The following ARCN1 variants were observed in gnomAD, a reference collection of about 807,000 sequenced individuals.
ARCN1 encodes archain 1 coat protein complex I subunit delta.
In ARCN1, 5 loss-of-function variants were observed where a neutral mutation model predicts 60.4. That is an observed-to-expected ratio of 0.08 (90% CI 0.04 to 0.17). The LOEUF (loss-of-function observed/expected upper bound fraction) is 0.17, where lower values mean the gene tolerates loss of function less well. ARCN1 is among the 10% of genes least tolerant of loss of function. The pLI is 1.00. For synonymous variants in ARCN1, 224 were observed against 220.0 expected (o/e 1.02, Z -0.16); for missense variants, 464 against 626.5 (o/e 0.74, Z 2.77).
rs782680656 is a variant in ARCN1 at position 118,597,919 on chromosome 11, A to G, written c.1446+8A>G. ...AATTACTGTAACATACAGGTACTCC[A>G]TTTTAGTTGAGAACATATATAGGGA... On this transcript the variant is annotated splice_region_variant and intron_variant, in intron 9 of 9. Transcript: ENST00000264028. The G allele has an allele frequency of 1.2e-6, 2 of 1,613,920 alleles. No individual in the cohort carries two copies. Among genetic ancestry groups the G allele is most frequent in the African/African-American group, 1.3e-5 (1 of 74,982 alleles).
At chr11:118,575,241 G>T (rs1680877202) in intron 1 of ARCN1, among the ~76,000 whole-genome samples, 1 of 152,168 alleles carries the variant, frequency 6.6e-6, no homozygotes, top group Non-Finnish European at 1.5e-5. Flanking sequence ...GCCTCCCAAA[G>T]TGCTGGGATT....
Position 118,574,489 on chromosome 11 carries a change from A to G in ARCN1, c.3+1939A>G, listed in dbSNP as rs374422952. On this transcript the variant is annotated intron_variant, in intron 1 of 9. Transcript: ENST00000264028. ...CATATAACCACCAACTAGATTCTAT[A>G]ACTAACATTTCACTATATTTTATCA... Among the ~76,000 whole-genome samples, 22 of 152,330 alleles carry G rather than the reference A, an allele frequency of 1.4e-4. 1 individual carries two copies. The East Asian group carries it at 3.1e-3, about 21-fold the overall frequency.
chr11:118,584,029 A>G lies in ARCN1; in HGVS notation c.653+15A>G. 2 of 1,610,940 alleles carry G rather than the reference A, an allele frequency of 1.2e-6. No individual in the cohort carries two copies. Among genetic ancestry groups the G allele is most frequent in the Non-Finnish European group, 1.7e-6 (2 of 1,177,518 alleles). On this transcript the variant is annotated intron_variant, in intron 4 of 9. Transcript: ENST00000264028. ...GCACCAGCCAGGTATAATCCAGTGT[A>G]CTTTAGAATACCAGGTGAAGGGTGT...
At chr11:118,582,673 C>T (rs1210044003) in intron 2 of ARCN1, among the ~76,000 whole-genome samples, 2 of 150,096 alleles carry the variant, frequency 1.3e-5, no homozygotes, top group Admixed American at 6.7e-5. Context: ...TTGCAGTGAG[C>T]CGAGATCGTG....
At chr11:118,599,094 G>A (rs1939094451) in intron 9 of ARCN1, among the ~76,000 whole-genome samples, 2 of 144,594 alleles carry the variant, frequency 1.4e-5, no homozygotes, top group Non-Finnish European at 3.0e-5. Flanking sequence ...ACGCCTGGCG[G>A]ATTTTTTTTT....
At chr11:118,576,245 A>C (rs1417471885) in intron 1 of ARCN1, among the ~76,000 whole-genome samples, 1 of 151,918 alleles carries the variant, frequency 6.6e-6, no homozygotes, top group Non-Finnish European at 1.5e-5. Context: ...TAGTGTACTC[A>C]AACCATGTAA....
intron 8 of ARCN1, among the ~76,000 whole-genome samples, chr11:118,596,180 T>C (rs1461006569): frequency 6.6e-6 from 1 of 152,226 alleles, no homozygotes; most frequent in Non-Finnish European, 1.5e-5. Flanking sequence ...TTTAAAAATA[T>C]ACTTTATTAC....
chr11:118,584,741 C>G, intron 5 of ARCN1, 97 bp downstream of exon 5: 1 of 1,095,828 alleles, frequency 9.1e-7, no homozygotes, highest in Non-Finnish European at 1.3e-6. Context: ...CTTTCTCTGT[C>G]TTTTAATCGT....
intron 2 of ARCN1, 145 bp from the exon 3 acceptor site, chr11:118,583,034 C>T: frequency 1.1e-6 from 1 of 948,606 alleles, no homozygotes; most frequent in Non-Finnish European, 1.5e-6. Context: ...GAGCGAGACT[C>T]TGTCCCAAAA....
rs901769617 is a variant in ARCN1, at chr11:118,593,003, G to A, written c.1132+147G>A. The A allele has an allele frequency of 3.9e-6, 3 of 777,084 alleles. No individual in the cohort carries two copies. In the African/African-American group the frequency reaches 5.2e-5, roughly 14 times the overall value. 48.1% of individuals were successfully genotyped at this position (777,084 alleles called of 1,614,324 possible). ...TGAAATGGACCTGGTGCTGCATTTT[G>A]TATATTTTTATCATTAGTTTTCATT... On this transcript the variant is annotated intron_variant, in intron 7 of 9. Transcript: ENST00000264028.
At chr11:118,597,396 T>C (rs1288240308) in intron 8 of ARCN1, among the ~76,000 whole-genome samples, 1 of 152,202 alleles carries the variant, frequency 6.6e-6, no homozygotes, top group African/African-American at 2.4e-5. Context: ...TTTGGAAACA[T>C]AGCCATCTTA....
At chr11:118,584,285 C>A (rs1938727894) in intron 4 of ARCN1, among the ~76,000 whole-genome samples, 195 bp from the exon 5 acceptor site, 1 of 152,056 alleles carries the variant, frequency 6.6e-6, no homozygotes. Context: ...CTATTTAATG[C>A]TTTATGGAAT....
chr11:118,585,633 A>G (rs1218439425), intron 5 of ARCN1, among the ~76,000 whole-genome samples: 3 of 152,046 alleles, frequency 2.0e-5, no homozygotes, highest in African/African-American at 7.2e-5. Flanking sequence ...TCTGCCTCCC[A>G]GGTTCAAGTG....
At chr11:118,575,973 TG>T (rs1275629949) in intron 1 of ARCN1, among the ~76,000 whole-genome samples, 1 of 140,616 alleles carries the variant, frequency 7.1e-6, no homozygotes, top group South Asian at 2.4e-4. Flanking sequence ...TCACTGTAGT[TG>T]TTTTTTTTTT....
intron 8 of ARCN1, among the ~76,000 whole-genome samples, chr11:118,596,665 A>G (rs1170617459): frequency 6.6e-6 from 1 of 152,206 alleles, no homozygotes; most frequent in African/African-American, 2.4e-5. Flanking sequence ...AAGCTGGTAA[A>G]TTTAGAATGT....
chr11:118,586,696 C>G (rs782222881), intron 5 of ARCN1, among the ~76,000 whole-genome samples: 3 of 151,706 alleles, frequency 2.0e-5, no homozygotes, highest in Non-Finnish European at 4.4e-5. Flanking sequence ...CACTAAAATA[C>G]AAAAAATTAG....
rs536415528 is a variant in ARCN1 at position 118,574,387 on chromosome 11, C to T, written c.3+1837C>T. Among the ~76,000 whole-genome samples the T allele has an allele frequency of 3.9e-5, 6 of 152,026 alleles. No homozygotes were observed. In the East Asian group the frequency reaches 9.7e-4, roughly 24 times the overall value. On this transcript the variant is annotated intron_variant, in intron 1 of 9. Transcript: ENST00000264028. ...CTAAAAGTTGTATCAAAATTTCCAG[C>T]GTTTATTTTAGCTCAACATTTCATT... is the stretch of plus-strand genomic sequence containing the variant.
At chr11:118,578,631 T>C (rs1321880803) in intron 1 of ARCN1, among the ~76,000 whole-genome samples, 4 of 152,166 alleles carry the variant, frequency 2.6e-5, no homozygotes, top group Non-Finnish European at 2.9e-5. Context: ...GGATTTTCTA[T>C]GGGCCATTTG....
chr11:118,579,400 G>A lies in ARCN1; in HGVS notation c.4-1846G>A, dbSNP rs920251082. The stretch of plus-strand genomic sequence containing the variant: ...AAAATGCAGCCAAAATAGGCCGGGC[G>A]GTGGCTCATGCCTGTAATCTCAGCA... On this transcript the variant is annotated intron_variant, in intron 1 of 9. Transcript: ENST00000264028. Among the ~76,000 whole-genome samples the A allele has an allele frequency of 4.6e-5, 7 of 151,806 alleles. No homozygotes were observed. In the South Asian group the frequency reaches 8.3e-4, roughly 18 times the overall value.
Sources: gnomAD v4.1 joint callset for allele counts (sites outside exome capture counted in the v4.1 genomes callset) on GRCh38, gnomAD v4.1.1 for gene constraint, MANE v1.5 for transcripts, NCBI Gene and HGNC (gene_info 2026-07-23, HGNC 2026-07-21) for gene names.